Variants in CDH8 observed in about 807,000 individuals in gnomAD.
CDH8 encodes the protein cadherin-8.
A neutral mutation model predicts 68.1 loss-of-function variants in CDH8; 17 were observed. That is an observed-to-expected ratio of 0.25 (90% confidence interval 0.17 to 0.37). CDH8 has a LOEUF of 0.37. Among genes scored for constraint, CDH8 ranks in the 10% least tolerant of loss-of-function variants. The pLI is 1.00. For missense variants in CDH8, 763 were observed against 999.3 expected, an observed-to-expected ratio of 0.76 and a Z score of 3.19; for synonymous variants, 372 against 365.1, an observed-to-expected ratio of 1.02 and a Z score of -0.21.
intron 2 of CDH8, among the ~76,000 whole-genome samples, chr16:61,918,975 C>A (rs201155567): frequency 1.4e-4 from 20 of 145,140 alleles, no homozygotes; most frequent in South Asian, 6.8e-4. Context: ...ATCTGAGAAC[C>A]GGCAGACTGC....
At chr16:61,992,265 A>C (rs1567559824) in intron 2 of CDH8, among the ~76,000 whole-genome samples, 1 of 151,916 alleles carries the variant, frequency 6.6e-6, no homozygotes, top group Non-Finnish European at 1.5e-5. Context: ...GCAGCCATAA[A>C]AAATGATGAG....
intron 3 of CDH8, among the ~76,000 whole-genome samples, chr16:61,893,674 C>G (rs952764708): frequency 6.6e-6 from 1 of 152,076 alleles, no homozygotes; most frequent in African/African-American, 2.4e-5. Context: ...GGTGAGAATG[C>G]ACTCAAAGAA....
At chr16:61,803,544 C>T (rs1354574232) in intron 7 of CDH8, among the ~76,000 whole-genome samples, 1 of 151,898 alleles carries the variant, frequency 6.6e-6, no homozygotes. Context: ...GAGTCAAGAC[C>T]CATCAGTGTG....
intron 2 of CDH8, among the ~76,000 whole-genome samples, chr16:61,943,538 C>G (rs1436617135): frequency 6.6e-6 from 1 of 152,208 alleles, no homozygotes; most frequent in Non-Finnish European, 1.5e-5. Flanking sequence ...GGTCATTCTA[C>G]TCTGACACAA....
intron 3 of CDH8, among the ~76,000 whole-genome samples, chr16:61,895,111 T>C (rs998425825): frequency 1.3e-5 from 2 of 152,156 alleles, no homozygotes; most frequent in South Asian, 2.1e-4. Flanking sequence ...AATTATATAA[T>C]ACCTCCCTTA....
chr16:61,858,025 C>T (rs1963079022), intron 3 of CDH8, among the ~76,000 whole-genome samples: 1 of 151,902 alleles, frequency 6.6e-6, no homozygotes, highest in African/African-American at 2.4e-5. Flanking sequence ...ATAACTTCCA[C>T]CTGCCTCCCC....
intron 4 of CDH8, among the ~76,000 whole-genome samples, chr16:61,839,686 A>G (rs900805174): frequency 2.6e-5 from 4 of 152,122 alleles, no homozygotes; most frequent in Non-Finnish European, 5.9e-5. Flanking sequence ...TAATTCCCCA[A>G]CTTTGCATAA....
In CDH8 at chr16:61,930,193, G is replaced by A. The variant is rs12599062; in HGVS notation, c.253-28720C>T. On this transcript the variant is annotated intron_variant, in intron 2 of 11. Transcript: ENST00000577390. ...AGAAACATTTAAAGTAAAAAGAGCTGTCAACAGTAAAGGTAAAAATTTTAT... is the reference window on the plus strand; with the variant it reads ...AGAAACATTTAAAGTAAAAAGAGCTATCAACAGTAAAGGTAAAAATTTTAT... Among the ~76,000 whole-genome samples the A allele has an allele frequency of 2.1e-3, 315 of 151,630 alleles. 10 individuals carry two copies. In the East Asian group the frequency reaches 0.054, roughly 26 times the overall value.
intron 2 of CDH8, among the ~76,000 whole-genome samples, chr16:61,914,991 A>G (rs1258706246): frequency 6.6e-6 from 1 of 152,228 alleles, no homozygotes; most frequent in African/African-American, 2.4e-5. Context: ...CAGAGAGCCA[A>G]TACAGTATTT....
At chr16:61,782,809 G>A (rs971155665) in intron 8 of CDH8, among the ~76,000 whole-genome samples, 2 of 152,228 alleles carry the variant, frequency 1.3e-5, no homozygotes, top group Admixed American at 6.5e-5. Context: ...TAACTGGGAG[G>A]CACCCCCCAG....
chr16:61,736,318 C>G (rs187669985), intron 8 of CDH8, among the ~76,000 whole-genome samples: 2 of 152,114 alleles, frequency 1.3e-5, no homozygotes, highest in African/African-American at 4.8e-5. Flanking sequence ...AAATTGGGGG[C>G]CATGTGAGGA....
intron 2 of CDH8, among the ~76,000 whole-genome samples, chr16:61,977,634 A>C (rs536352185): frequency 3.4e-4 from 52 of 152,230 alleles, no homozygotes; most frequent in African/African-American, 1.2e-3. Flanking sequence ...TCCCCATGAG[A>C]GATTTGGGGA....
At chr16:61,669,729 CA>C (rs1432968504) in intron 10 of CDH8, among the ~76,000 whole-genome samples, 4 of 152,050 alleles carry the variant, frequency 2.6e-5, no homozygotes, top group African/African-American at 9.6e-5. Flanking sequence ...AAATTTCTAC[CA>C]TCAGATACGA....
At chr16:61,662,063 T>C (rs1008417882) in intron 10 of CDH8, among the ~76,000 whole-genome samples, 10 of 150,324 alleles carry the variant, frequency 6.7e-5, no homozygotes, top group African/African-American at 2.4e-4. Context: ...CACTCTTTTT[T>C]TTTTTTACTT....
rs1354244022 is a variant in CDH8, at chr16:61,807,048, A to G, written c.1277+10431T>C. 1.4e-3 allele frequency among the ~76,000 whole-genome samples: 159 copies of G among 110,526 alleles called. 1 individual carries two copies. The highest frequency in any genetic ancestry group is 5.7e-3 in the African/African-American group (155 of 27,174). 72.5% of individuals were successfully genotyped at this position (110,526 alleles called of 152,430 possible). ...GTATGTTTATTGCGGCATTATTCAC[A>G]ATAGCAAAGACTTGGAACCAACCCA... On this transcript the variant is annotated intron_variant, in intron 7 of 11. Transcript: ENST00000577390.
chr16:61,802,746 C>T (rs1404265421), intron 7 of CDH8, among the ~76,000 whole-genome samples: 10 of 136,030 alleles, frequency 7.4e-5, no homozygotes, highest in South Asian at 5.2e-4. Context: ...TGAAATGAAG[C>T]GAGAAGGGAA....
At chr16:61,897,048 T>C (rs1302747665) in intron 3 of CDH8, among the ~76,000 whole-genome samples, 1 of 148,574 alleles carries the variant, frequency 6.7e-6, no homozygotes, top group Non-Finnish European at 1.5e-5. Flanking sequence ...GCTAAAGATA[T>C]ATAATACATA....
chr16:61,653,289 T>C lies in CDH8; in HGVS notation c.*319A>G, dbSNP rs887999916. 6.0e-6 allele frequency: 7 copies of C among 1,175,630 alleles called. No individual in the cohort carries two copies. The highest frequency in any genetic ancestry group is 7.3e-6 in the Non-Finnish European group (7 of 954,758). The allele number at this position is 1,175,630 out of a possible 1,614,324, so 72.8% of individuals were successfully genotyped here. The stretch of plus-strand genomic sequence containing the variant: ...AAAGCACCTTTTAATTATGATTTTT[T>C]CCTCTATTTAAACCATTTATCTAAG... On this transcript the variant is annotated 3_prime_UTR_variant, in exon 12 of 12. Transcript: ENST00000577390.
chr16:61,973,829 C>A (rs1325559848), intron 2 of CDH8, among the ~76,000 whole-genome samples: 1 of 152,236 alleles, frequency 6.6e-6, no homozygotes, highest in Non-Finnish European at 1.5e-5. Context: ...TCATTCTACA[C>A]TGACTTAACA....
Sources: allele counts gnomAD v4.1 joint callset (sites outside exome capture counted in the v4.1 genomes callset), GRCh38; gene constraint gnomAD v4.1.1; transcripts MANE v1.5; gene names NCBI Gene and HGNC (gene_info 2026-07-23, HGNC 2026-07-21).